The following LUZP1 variants were observed in gnomAD, a reference collection of about 807,000 sequenced individuals.
LUZP1 encodes filamin mechanobinding actin cross-linking protein.
A neutral mutation model predicts 71.3 loss-of-function variants in LUZP1; 25 were observed. The observed-to-expected ratio is 0.35, with a 90% CI of 0.26 to 0.49. LUZP1 has a LOEUF of 0.49. Ranked by LOEUF, LUZP1 falls within the 20% of genes least tolerant of loss-of-function variation. LUZP1 has a pLI of 0.99. For missense variants in LUZP1, 1,142 were observed against 1,300.8 expected, an observed-to-expected ratio of 0.88 and a Z score of 1.88; for synonymous variants, 481 against 506.4, an observed-to-expected ratio of 0.95 and a Z score of 0.67.
intron 2 of LUZP1, among the ~76,000 whole-genome samples, chr1:23,134,559 G>A (rs1644238987): frequency 6.8e-6 from 1 of 147,442 alleles, no homozygotes; most frequent in African/African-American, 2.5e-5. Context: ...CAGGAGGACT[G>A]CTTGAGCCCA....
chr1:23,117,494 A>T (rs1431195708), intron 2 of LUZP1, among the ~76,000 whole-genome samples: 1 of 23,480 alleles, frequency 4.3e-5, no homozygotes, highest in Non-Finnish European at 7.0e-5. Context: ...CCCCCCCCAC[A>T]ATCAGGAAGC....
At chr1:23,109,758 A>G (rs1464527516) in intron 2 of LUZP1, 1 of 152,234 alleles carries the variant, frequency 6.6e-6, no homozygotes, top group Non-Finnish European at 1.5e-5. Context: ...GTCACTGTAT[A>G]CATGCAAATA....
At chr1:23,131,582 T>C (rs1644215751) in intron 2 of LUZP1, among the ~76,000 whole-genome samples, 1 of 152,178 alleles carries the variant, frequency 6.6e-6, no homozygotes, top group Non-Finnish European at 1.5e-5. Context: ...AGTCAATAAA[T>C]ATTAATCCAA....
chr1:23,150,167 G>A (rs1016111770), intron 2 of LUZP1, among the ~76,000 whole-genome samples: 2 of 152,030 alleles, frequency 1.3e-5, no homozygotes, highest in African/African-American at 4.8e-5. Flanking sequence ...GGATACTAGA[G>A]AATGCAATGA....
chr1:23,125,723 G>A (rs1324905582), intron 2 of LUZP1, among the ~76,000 whole-genome samples: 2 of 152,148 alleles, frequency 1.3e-5, no homozygotes, highest in South Asian at 2.1e-4. Flanking sequence ...TCTTAACATG[G>A]AGGACACAGT....
chr1:23,089,042 C>A, exon 5 of LUZP1: 1 of 1,613,864 alleles, frequency 6.2e-7, no homozygotes, highest in Non-Finnish European at 8.5e-7. Flanking sequence ...TACAGTCTTC[C>A]CCTTCTTCCT....
At chr1:23,142,696 T>TAC (rs1359946880) in intron 2 of LUZP1, among the ~76,000 whole-genome samples, 205 of 90,812 alleles carry the variant, frequency 2.3e-3, no homozygotes, top group African/African-American at 9.2e-3. Flanking sequence ...AATATATATA[T>TAC]ATATACACAC....
chr1:23,161,657 G>C (rs1644467155), intron 2 of LUZP1, among the ~76,000 whole-genome samples: 1 of 152,122 alleles, frequency 6.6e-6, no homozygotes, highest in Admixed American at 6.6e-5. Flanking sequence ...CAATGAGATT[G>C]GCATAAAATG....
intron 2 of LUZP1, among the ~76,000 whole-genome samples, chr1:23,120,876 A>C (rs1424590445): frequency 6.6e-6 from 1 of 152,188 alleles, no homozygotes; most frequent in East Asian, 1.9e-4. Flanking sequence ...TGCCCAAAAG[A>C]GGCAGAAACA....
chr1:23,139,516 A>C (rs1256396092), intron 2 of LUZP1, among the ~76,000 whole-genome samples: 1 of 152,182 alleles, frequency 6.6e-6, no homozygotes, highest in Non-Finnish European at 1.5e-5. Flanking sequence ...CTCAATGTGA[A>C]GATGACAAGG....
At chr1:23,127,024 A>G (rs150742620) in intron 2 of LUZP1, among the ~76,000 whole-genome samples, 1 of 152,232 alleles carries the variant, frequency 6.6e-6, no homozygotes, top group Non-Finnish European at 1.5e-5. Context: ...AGCACACTGT[A>G]TATTGGCAGT....
intron 2 of LUZP1, among the ~76,000 whole-genome samples, chr1:23,132,792 C>T (rs1644225001): frequency 6.6e-6 from 1 of 152,142 alleles, no homozygotes; most frequent in African/African-American, 2.4e-5. Flanking sequence ...AATAAGTATT[C>T]TATCAACTTT....
At chr1:23,130,446 T>C (rs1207096769) in intron 2 of LUZP1, among the ~76,000 whole-genome samples, 1 of 151,566 alleles carries the variant, frequency 6.6e-6, no homozygotes, top group East Asian at 1.9e-4. Context: ...GGTTATTCAA[T>C]AGAGATCTGT....
intron 3 of LUZP1, among the ~76,000 whole-genome samples, chr1:23,098,970 TC>T (rs1643911385): frequency 6.6e-6 from 1 of 152,260 alleles, no homozygotes; most frequent in African/African-American, 2.4e-5. Flanking sequence ...AACCAAGCCT[TC>T]CGCTTCCATT....
chr1:23,088,995 T>C (rs1171128242), exon 5 of LUZP1: 4 of 1,614,126 alleles, frequency 2.5e-6, no homozygotes, highest in Non-Finnish European at 3.4e-6. Flanking sequence ...TTCAGACGGA[T>C]CCAGGGAGTT....
intron 2 of LUZP1, among the ~76,000 whole-genome samples, chr1:23,124,316 A>G (rs1244472143): frequency 6.6e-6 from 1 of 152,152 alleles, no homozygotes; most frequent in Non-Finnish European, 1.5e-5. Context: ...GTCTTGAAGC[A>G]AAGCTGGACC....
chr1:23,144,007 G>A (rs1644324536), intron 2 of LUZP1, among the ~76,000 whole-genome samples: 1 of 152,168 alleles, frequency 6.6e-6, no homozygotes, highest in African/African-American at 2.4e-5. Flanking sequence ...TGCTTTGATT[G>A]TTATACTCTC....
At chr1:23,088,040 C>T (rs901122346) in exon 5 of LUZP1, 4 of 152,698 alleles carry the variant, frequency 2.6e-5, no homozygotes, top group Non-Finnish European at 5.9e-5. Flanking sequence ...GGGTCAGGCC[C>T]AGCTTAGCCT....
chr1:23,161,196 C>T (rs1381299586), intron 2 of LUZP1, among the ~76,000 whole-genome samples: 1 of 152,166 alleles, frequency 6.6e-6, no homozygotes, highest in Non-Finnish European at 1.5e-5. Flanking sequence ...GAGTTCTCTG[C>T]TTTCATGGAA....
Sources: gnomAD v4.1 joint callset for allele counts (sites outside exome capture counted in the v4.1 genomes callset) on GRCh38, gnomAD v4.1.1 for gene constraint, MANE v1.5 for transcripts, NCBI Gene and HGNC (gene_info 2026-07-23, HGNC 2026-07-21) for gene names.